LRCH1: variants seen among roughly 807,000 people sequenced by gnomAD.
LRCH1 encodes the protein leucine-rich repeat and calponin homology domain-containing protein 1.
A neutral mutation model predicts 94.9 loss-of-function variants in LRCH1; 23 were observed. That is an observed-to-expected ratio of 0.24 (90% CI 0.17 to 0.34). The LOEUF is 0.34. LRCH1 is among the 10% of genes least tolerant of loss of function. The pLI, the probability that LRCH1 is intolerant of heterozygous loss-of-function variation, is 1.00. For synonymous variants in LRCH1, 364 were observed against 354.9 expected, an observed-to-expected ratio of 1.03 and a Z score of -0.29; for missense variants, 790 against 945.9, an observed-to-expected ratio of 0.84 and a Z score of 2.16.
chr13:46,712,476 T>G lies in LRCH1; in HGVS notation c.1582-49T>G, dbSNP rs755561600. 25 of 1,372,182 alleles carry G rather than the reference T, an allele frequency of 1.8e-5. No individual in the cohort carries two copies. The East Asian group carries it at 5.7e-4, about 31-fold the overall frequency. 85.0% of individuals were successfully genotyped at this position (1,372,182 alleles called of 1,614,324 possible). ...CATAGAAAACCATACATAGTTCTTCTGTTTTCCTTTTATTTTTTTCCTAAT... is the reference window on the plus strand; with the variant it reads ...CATAGAAAACCATACATAGTTCTTCGGTTTTCCTTTTATTTTTTTCCTAAT... On this transcript the variant is annotated intron_variant, in intron 14 of 19. Transcript: ENST00000389797.
At chr13:46,699,294 G>A (rs1871345624) in intron 9 of LRCH1, 42 bp from the exon 10 acceptor site, 3 of 1,536,342 alleles carry the variant, frequency 2.0e-6, no homozygotes, top group Non-Finnish European at 1.8e-6. Context: ...TGACTACTGA[G>A]TAGCCAATGG....
chr13:46,721,786 C>G (rs1165231106), intron 16 of LRCH1, among the ~76,000 whole-genome samples: 1 of 152,176 alleles, frequency 6.6e-6, no homozygotes, highest in Non-Finnish European at 1.5e-5. Flanking sequence ...CCTTGCGTAC[C>G]TTAAATCATC....
At position 46,742,440 on chromosome 13, in the gene LRCH1, AT is replaced by A; in HGVS notation, c.*595del. 7 of 986,942 alleles carry A rather than the reference AT, an allele frequency of 7.1e-6. No individual in the cohort carries two copies. Among genetic ancestry groups the A allele is most frequent in the Non-Finnish European group, 8.4e-6 (7 of 831,040 alleles). 61.1% of individuals were successfully genotyped at this position (986,942 alleles called of 1,614,324 possible). A position where few individuals can be genotyped will look rare whatever the true frequency, so the allele number is the denominator to read the frequency against. On this transcript the variant is annotated 3_prime_UTR_variant, in exon 20 of 20. Transcript: ENST00000389797. ...GGCCATTCGATTGGATTCCTCCCAA[AT>A]TTCCTAAAAAGGGAGCCGCGAAGGG... is the stretch of plus-strand genomic sequence containing the variant.
At chr13:46,591,615 C>T (rs770612710) in intron 1 of LRCH1, among the ~76,000 whole-genome samples, 3 of 152,206 alleles carry the variant, frequency 2.0e-5, no homozygotes. Context: ...TTTTGGAGAG[C>T]TCTGGGTTTA....
chr13:46,715,711 A>T, intron 16 of LRCH1, 47 bp downstream of exon 16: 1 of 1,082,980 alleles, frequency 9.2e-7, no homozygotes. Flanking sequence ...TAATAAGCCA[A>T]TGCGTATACT....
chr13:46,624,815 G>C (rs1444814680), intron 1 of LRCH1, among the ~76,000 whole-genome samples: 1 of 152,210 alleles, frequency 6.6e-6, no homozygotes, highest in South Asian at 2.1e-4. Flanking sequence ...CAACTCCAAC[G>C]ATGTTAGCTA....
chr13:46,657,551 G>T (rs1394787967), intron 2 of LRCH1, among the ~76,000 whole-genome samples: 1 of 52,702 alleles, frequency 1.9e-5, no homozygotes, highest in Non-Finnish European at 3.3e-5. Context: ...TTGAGGCAGG[G>T]TCTTGCTCTG....
chr13:46,571,835 C>G (rs2050243580), intron 1 of LRCH1, among the ~76,000 whole-genome samples: 1 of 150,170 alleles, frequency 6.7e-6, no homozygotes, highest in Non-Finnish European at 1.5e-5. Flanking sequence ...GCTGTGATGA[C>G]TAAAATAACA....
intron 1 of LRCH1, among the ~76,000 whole-genome samples, chr13:46,642,915 T>TAA (rs11387989): frequency 6.6e-6 from 1 of 151,794 alleles, no homozygotes; most frequent in African/African-American, 2.4e-5. Flanking sequence ...TTTAGGATGT[T>TAA]AAAAAAAACT....
intron 2 of LRCH1, among the ~76,000 whole-genome samples, chr13:46,657,410 C>G (rs1173906087): frequency 7.1e-6 from 1 of 141,294 alleles, no homozygotes; most frequent in Non-Finnish European, 1.5e-5. Context: ...TTAAAACATA[C>G]ATATATGAAA....
chr13:46,591,433 A>G (rs1234497299), intron 1 of LRCH1, among the ~76,000 whole-genome samples: 2 of 152,240 alleles, frequency 1.3e-5, no homozygotes, highest in African/African-American at 4.8e-5. Context: ...ATGAAAAGGC[A>G]TAATGGAATG....
intron 1 of LRCH1, among the ~76,000 whole-genome samples, chr13:46,612,975 TGC>T (rs2050763802): frequency 6.6e-6 from 1 of 152,262 alleles, no homozygotes; most frequent in Admixed American, 6.5e-5. Flanking sequence ...TGTATATATA[TGC>T]ATTGATGAAT....
intron 1 of LRCH1, among the ~76,000 whole-genome samples, chr13:46,633,440 C>T (rs2051042641): frequency 6.6e-6 from 1 of 152,334 alleles, no homozygotes; most frequent in East Asian, 1.9e-4. Context: ...AGAATGCCAT[C>T]ATCATTATTG....
At chr13:46,582,850 A>G (rs1224678455) in intron 1 of LRCH1, among the ~76,000 whole-genome samples, 1 of 151,088 alleles carries the variant, frequency 6.6e-6, no homozygotes, top group Non-Finnish European at 1.5e-5. Flanking sequence ...CAAGCTCTTC[A>G]CAGAGGTTAC....
chr13:46,633,486 G>A (rs1241505037), intron 1 of LRCH1, among the ~76,000 whole-genome samples: 1 of 152,168 alleles, frequency 6.6e-6, no homozygotes, highest in Non-Finnish European at 1.5e-5. Flanking sequence ...GAGTGCCATA[G>A]TGGAAATAAA....
intron 1 of LRCH1, among the ~76,000 whole-genome samples, chr13:46,618,117 C>T (rs2050833714): frequency 1.3e-5 from 2 of 152,126 alleles, no homozygotes; most frequent in South Asian, 4.1e-4. Context: ...CTTACAGAAA[C>T]CTAGATGGCG....
chr13:46,579,635 A>AGAGC (rs888744840), intron 1 of LRCH1, among the ~76,000 whole-genome samples: 1 of 152,186 alleles, frequency 6.6e-6, no homozygotes, highest in African/African-American at 2.4e-5. Flanking sequence ...AACCACAACA[A>AGAGC]GAGCGGATCA....
At chr13:46,702,412 G>C (rs1355806235) in intron 11 of LRCH1, among the ~76,000 whole-genome samples, 1 of 152,190 alleles carries the variant, frequency 6.6e-6, no homozygotes, top group Non-Finnish European at 1.5e-5. Flanking sequence ...TGAGGCAGGA[G>C]AATCGCTTGA....
At chr13:46,568,782 G>C (rs979508871) in intron 1 of LRCH1, among the ~76,000 whole-genome samples, 6 of 152,142 alleles carry the variant, frequency 3.9e-5, no homozygotes, top group Non-Finnish European at 7.3e-5. Context: ...TGAGTACATA[G>C]GTAGGTGTAT....
Sources: gnomAD v4.1 joint callset for allele counts (sites outside exome capture counted in the v4.1 genomes callset) on GRCh38, gnomAD v4.1.1 for gene constraint, MANE v1.5 for transcripts, NCBI Gene and HGNC (gene_info 2026-07-23, HGNC 2026-07-21) for gene names.